Variants in ECHS1 observed in about 807,000 individuals in gnomAD.
ECHS1 encodes enoyl-CoA hydratase, short chain 1, also known as enoyl-CoA hydratase, mitochondrial.
A neutral mutation model predicts 33.5 loss-of-function variants in ECHS1; 19 were observed. That is an observed-to-expected ratio of 0.57 (90% confidence interval 0.40 to 0.83). The LOEUF (loss-of-function observed/expected upper bound fraction) is 0.83. ECHS1 is among the 40% of genes least tolerant of loss of function. ECHS1 has a pLI of 0.00. For missense variants in ECHS1, 365 were observed against 381.3 expected, an observed-to-expected ratio of 0.96 and a Z score of 0.36; for synonymous variants, 158 against 146.6, an observed-to-expected ratio of 1.08 and a Z score of -0.56.
intron 4 of ECHS1, among the ~76,000 whole-genome samples, chr10:133,368,064 ATCTC>A (rs1849055903): frequency 6.6e-6 from 1 of 151,972 alleles, no homozygotes; most frequent in African/African-American, 2.4e-5. Flanking sequence ...TTTTCTCTTT[ATCTC>A]TTTGTCTTGT....
chr10:133,370,568 G>T lies in ECHS1; in HGVS notation c.278C>A (p.Ala93Asp). 6.3e-7 allele frequency: 1 copy of T among 1,587,578 alleles called. No individual in the cohort carries two copies. The highest frequency in any genetic ancestry group is 2.3e-5 in the East Asian group (1 of 44,354). Reference protein sequence around the residue: ...GAIVLTGGDKAFAAGADIKEM... With the variant: ...GAIVLTGGDKDFAAGADIKEM... ...TCTGCTGCCGCGCGTACCTGCAAAG[G>T]CCTTATCCCCGCCGGTGAGGACAAT... Residue 93 changes from alanine (A) to aspartate (D), a missense_variant, in exon 2 of 8, where the codon GCC becomes GAC. By Grantham distance (126) the Ala-to-Asp change is moderately radical (BLOSUM62 -2). Transcript: ENST00000368547.
intron 6 of ECHS1, among the ~76,000 whole-genome samples, chr10:133,365,551 A>G (rs1849016614): frequency 6.6e-6 from 1 of 152,264 alleles, no homozygotes; most frequent in African/African-American, 2.4e-5. Context: ...ATCCAGGCCA[A>G]GAACGAACAG....
In ECHS1 at chr10:133,373,273, A is replaced by G. The variant is rs1030441878; in HGVS notation, c.61T>C (p.Cys21Arg). 2 of 1,463,918 alleles carry G rather than the reference A, an allele frequency of 1.4e-6. No individual in the cohort carries two copies. The highest frequency in any genetic ancestry group is 1.8e-6 in the Non-Finnish European group (2 of 1,114,378). 90.7% of individuals were successfully genotyped at this position (1,463,918 alleles called of 1,614,324 possible). A position where few individuals can be genotyped will look rare whatever the true frequency, so the allele number is the denominator to read the frequency against. Residue 21 changes from cysteine to arginine, a missense_variant, in exon 1 of 8, where the codon TGT (cysteine) becomes CGT (arginine). Coordinates refer to ENST00000368547, the MANE Select transcript of ECHS1 (RefSeq NM_004092.4). ...VRGPLRPPVR[C>R]PAWRPFASGA... is the part of the protein sequence containing the mutation. ...GAGGCGAAGGGACGCCAGGCGGGAC[A>G]GCGAACCGGGGGCCTCAGCGGGCCG... is the stretch of plus-strand genomic sequence containing the variant.
chr10:133,368,264 G>A (rs373356394), intron 4 of ECHS1, among the ~76,000 whole-genome samples: 1 of 152,110 alleles, frequency 6.6e-6, no homozygotes, highest in East Asian at 1.9e-4. Context: ...CCAGGCACTG[G>A]TCCCTTATAG....
intron 5 of ECHS1, among the ~76,000 whole-genome samples, chr10:133,366,348 C>T (rs1332894902): frequency 2.6e-5 from 4 of 152,194 alleles, no homozygotes; most frequent in East Asian, 1.9e-4. Context: ...CGGCCAGACA[C>T]GGGGACTGTG....
intron 6 of ECHS1, among the ~76,000 whole-genome samples, 169 bp from the exon 7 acceptor site, chr10:133,364,894 G>A (rs758025178): frequency 4.6e-5 from 7 of 152,134 alleles, no homozygotes; most frequent in Non-Finnish European, 7.3e-5. Context: ...CTGCCCCAGC[G>A]GAGACCTGGC....
At chr10:133,369,783 G>A in intron 3 of ECHS1, 121 bp downstream of exon 3, 2 of 1,384,918 alleles carry the variant, frequency 1.4e-6, no homozygotes, top group South Asian at 1.5e-5. Flanking sequence ...CATGAGGCAG[G>A]AAAGGAGGCT....
At chr10:133,362,998 G>A (rs1449229336) in intron 7 of ECHS1, 65 bp from the exon 8 acceptor site, 2 of 1,568,872 alleles carry the variant, frequency 1.3e-6, no homozygotes, top group East Asian at 4.5e-5. Flanking sequence ...TGATGCCAAT[G>A]TCCGCCCGTC....
At chr10:133,369,055 CA>C (rs1849070881) in intron 3 of ECHS1, 33 bp from the exon 4 acceptor site, 16 of 1,593,482 alleles carry the variant, frequency 1.0e-5, no homozygotes, top group African/African-American at 2.7e-5. Context: ...AGAGTCTTAC[CA>C]GGGGAACCCA....
intron 1 of ECHS1, among the ~76,000 whole-genome samples, chr10:133,373,024 TGGGGGGGTGCGGGGTCAGGC>T (rs1291504953): frequency 7.4e-5 from 1 of 13,538 alleles, no homozygotes; most frequent in Non-Finnish European, 1.3e-4. Context: ...CGGGGTCAGG[TGGGGGGGTGCGGGGTCAGGC>T]GGGGGGGTGC....
Position 133,373,207 on chromosome 10 carries a change from G to A in ECHS1, c.88+39C>T. 8 of 1,397,140 alleles carry A rather than the reference G, an allele frequency of 5.7e-6. No individual in the cohort carries two copies. In the South Asian group the frequency reaches 1.1e-4, roughly 19 times the overall value. The allele number at this position is 1,397,140 out of a possible 1,614,324, so 86.5% of individuals were successfully genotyped here. A position where few individuals can be genotyped will look rare whatever the true frequency, so the allele number is the denominator to read the frequency against. On this transcript the variant is annotated intron_variant, in intron 1 of 7. Coordinates refer to ENST00000368547, the MANE Select transcript of ECHS1 (RefSeq NM_004092.4). ...GGTCTGGGCGTGCAGGTCGGAGTCA[G>A]GAGGAGATTCGGGCCGCCAGCTCTC...
In ECHS1 at chr10:133,366,339, G is replaced by A. The variant is rs538732963; in HGVS notation, c.620-244C>T. On this transcript the variant is annotated intron_variant, in intron 5 of 7. Transcript: ENST00000368547. ...TGGCCACAGCTCCGACGGCAGAGGC[G>A]GCCAGACACGGGGACTGTGATCACC... 1.1e-4 allele frequency among the ~76,000 whole-genome samples: 17 copies of A among 152,362 alleles called. No individual in the cohort carries two copies. The East Asian group carries it at 1.4e-3, about 12-fold the overall frequency.
intron 1 of ECHS1, among the ~76,000 whole-genome samples, chr10:133,371,333 G>A (rs1020533721): frequency 2.6e-5 from 4 of 152,188 alleles, no homozygotes; most frequent in Non-Finnish European, 4.4e-5. Flanking sequence ...GCCCACAGCC[G>A]CTTTCCTTCT....
intron 7 of ECHS1, 95 bp downstream of exon 7, chr10:133,364,563 G>T: frequency 9.9e-7 from 1 of 1,015,154 alleles, no homozygotes; most frequent in Non-Finnish European, 1.5e-6. Flanking sequence ...TGACCAGAAA[G>T]AAACGATACT....
At position 133,372,627 on chromosome 10, in the gene ECHS1, G is replaced by A. The variant is rs532862301; in HGVS notation, c.88+619C>T. ...ACTGGGGCAGTACCAGCCAGCCGCC[G>A]GGCCTCCCGCAGGACGTGGCCTGGT... On this transcript the variant is annotated intron_variant, in intron 1 of 7. Transcript: ENST00000368547. 6.6e-5 allele frequency among the ~76,000 whole-genome samples: 10 copies of A among 151,958 alleles called. 1 individual carries two copies. The highest frequency in any genetic ancestry group is 6.5e-5 in the Admixed American group (1 of 15,280).
chr10:133,371,105 G>A (rs574274974), intron 1 of ECHS1, among the ~76,000 whole-genome samples: 3 of 152,260 alleles, frequency 2.0e-5, no homozygotes, highest in African/African-American at 4.8e-5. Flanking sequence ...GTGAAACGCC[G>A]TCTCTACCTA....
At chr10:133,365,107 G>A (rs10857706) in intron 6 of ECHS1, among the ~76,000 whole-genome samples, 7,769 of 152,296 alleles carry the variant, frequency 0.051, 616 homozygotes, top group African/African-American at 0.16. Flanking sequence ...AGCTGGGCGC[G>A]GCCGGCACCA....
intron 5 of ECHS1, among the ~76,000 whole-genome samples, 159 bp from the exon 6 acceptor site, chr10:133,366,254 C>T (rs967471325): frequency 6.6e-6 from 1 of 152,250 alleles, no homozygotes; most frequent in Non-Finnish European, 1.5e-5. Flanking sequence ...CGTGCCCCTT[C>T]CTGAGTGCTG....
intron 7 of ECHS1, among the ~76,000 whole-genome samples, chr10:133,363,355 GCACACA>G (rs906664996): frequency 2.1e-4 from 30 of 145,008 alleles, no homozygotes; most frequent in African/African-American, 7.0e-4. Context: ...GTGCGCGCGC[GCACACA>G]CACACACACA....
Sources: gnomAD v4.1 joint callset for allele counts (sites outside exome capture counted in the v4.1 genomes callset) on GRCh38, gnomAD v4.1.1 for gene constraint, MANE v1.5 for transcripts, NCBI Gene and HGNC (gene_info 2026-07-23, HGNC 2026-07-21) for gene names.